Variants in LIX1L observed in about 807,000 individuals in gnomAD.
LIX1L encodes LIX1-like protein.
In LIX1L, 20 loss-of-function variants were observed where a neutral mutation model predicts 34.0. The ratio of observed to expected loss-of-function variants is 0.59; its 90% confidence interval spans 0.41 to 0.85. The LOEUF (loss-of-function observed/expected upper bound fraction) is 0.85, where lower values mean the gene tolerates loss of function less well. LIX1L is among the 40% of genes least tolerant of loss of function. The probability of loss-of-function intolerance (pLI) is 0.00; values close to 1 mark genes in which losing one functional copy is unlikely to be tolerated. For synonymous variants in LIX1L, 170 were observed against 187.4 expected, an observed-to-expected ratio of 0.91 and a Z score of 0.76; for missense variants, 397 against 447.0, an observed-to-expected ratio of 0.89 and a Z score of 1.01.
intron 3 of LIX1L, among the ~76,000 whole-genome samples, chr1:145,941,598 T>C (rs1434848237): frequency 6.6e-6 from 1 of 152,094 alleles, no homozygotes; most frequent in African/African-American, 2.4e-5. Context: ...ATACTTGGTC[T>C]GACTATTAAT....
intron 1 of LIX1L, among the ~76,000 whole-genome samples, chr1:145,953,217 G>C (rs142649358): frequency 6.6e-6 from 1 of 152,018 alleles, no homozygotes; most frequent in Non-Finnish European, 1.5e-5. Context: ...GCCTGGCCAG[G>C]ATAAAAATAT....
In LIX1L at chr1:145,936,124, C is replaced by T; in HGVS notation, c.*186G>A. 1.5e-6 allele frequency: 1 copy of T among 651,422 alleles called. No individual in the cohort carries two copies. The highest frequency in any genetic ancestry group is 2.5e-6 in the Non-Finnish European group (1 of 399,990). 40.4% of individuals were successfully genotyped at this position (651,422 alleles called of 1,614,324 possible). The stretch of plus-strand genomic sequence containing the variant: ...ACTGAAGATGTTTCAAATAAAACTA[C>T]ATCCAAAAACTGGTAGTAAGAAAAG... On this transcript the variant is annotated 3_prime_UTR_variant, in exon 6 of 6. Coordinates refer to ENST00000604000, the MANE Select transcript of LIX1L (RefSeq NM_153713.3).
chr1:145,952,079 C>G (rs1649315924), intron 1 of LIX1L, among the ~76,000 whole-genome samples: 1 of 152,136 alleles, frequency 6.6e-6, no homozygotes, highest in Non-Finnish European at 1.5e-5. Flanking sequence ...TAGTCCAATG[C>G]TGGCTAAGAA....
intron 1 of LIX1L, among the ~76,000 whole-genome samples, chr1:145,952,735 C>T (rs1354546997): frequency 2.6e-5 from 4 of 152,022 alleles, no homozygotes; most frequent in East Asian, 3.9e-4. Flanking sequence ...CTCAGCCTCC[C>T]GAGTAGCTGG....
chr1:145,949,802 C>A (rs1356311992), intron 1 of LIX1L, among the ~76,000 whole-genome samples: 4 of 151,372 alleles, frequency 2.6e-5, no homozygotes, highest in Non-Finnish European at 5.9e-5. Flanking sequence ...TATCTTGCAA[C>A]ATACTGACCA....
At chr1:145,936,847 C>T in intron 5 of LIX1L, 61 bp downstream of exon 5, 10 of 1,176,290 alleles carry the variant, frequency 8.5e-6, no homozygotes, top group East Asian at 4.7e-5. Context: ...GTAACCACCT[C>T]AAAAGAGTCC....
At position 145,936,431 on chromosome 1, in the gene LIX1L, G is replaced by A; in HGVS notation, c.893C>T (p.Thr298Ile). ...TCGGGCTTCATCCAGCTCCCGCTCAGTAGAGGCCAGCTCTCTAGACAGTGC... is the reference window on the plus strand; with the variant it reads ...TCGGGCTTCATCCAGCTCCCGCTCAATAGAGGCCAGCTCTCTAGACAGTGC... Reference protein sequence around the residue: ...PGALSRELASTERELDEARLA... With the variant: ...PGALSRELASIERELDEARLA... Residue 298 changes from threonine (T) to isoleucine (I), a missense_variant, in exon 6 of 6, where the codon ACT becomes ATT. Thr to Ile is a moderately conservative substitution (Grantham distance 89). Transcript: ENST00000604000. 1 of 1,614,156 alleles carries A rather than the reference G, an allele frequency of 6.2e-7. No homozygotes were observed. Among genetic ancestry groups the A allele is most frequent in the Non-Finnish European group, 8.5e-7 (1 of 1,180,028 alleles).
chr1:145,942,811 T>C lies in LIX1L; in HGVS notation c.499A>G (p.Ile167Val), dbSNP rs374811214. The C allele has an allele frequency of 6.2e-7, 1 of 1,614,060 alleles. No individual in the cohort carries two copies. Among genetic ancestry groups the C allele is most frequent in the Non-Finnish European group, 8.5e-7 (1 of 1,179,962 alleles). ...TTAAACACAGAATTCATTAGCGCAA[T>C]CTTTGCAGCACTCCTCCGGGCCTCA... ...KAEARRSAAK[I>V]ALMNSVFNEH... is the part of the protein sequence containing the mutation. Residue 167 changes from isoleucine (I) to valine (V), a missense_variant, in exon 3 of 6, where the codon ATT becomes GTT. Coordinates refer to ENST00000604000, the MANE Select transcript of LIX1L (RefSeq NM_153713.3).
intron 3 of LIX1L, chr1:145,939,775 C>T (rs1190928832): frequency 5.3e-5 from 8 of 151,224 alleles, no homozygotes; most frequent in Admixed American, 1.3e-4. Flanking sequence ...GTAGCTGGGA[C>T]TACAGATGCA....
rs1225045267 is a variant in LIX1L at position 145,942,707 on chromosome 1, A to C, written c.597+6T>G. 3 of 1,613,666 alleles carry C rather than the reference A, an allele frequency of 1.9e-6. No individual in the cohort carries two copies. In the African/African-American group the frequency reaches 4.0e-5, roughly 22 times the overall value. On this transcript the variant is annotated splice_donor_region_variant and intron_variant, in intron 3 of 5. Transcript: ENST00000604000. ...CTCTCCTTCCTTCCAGCTCCATACA[A>C]CTTACATTAAAAGATGCCAGGGCCT...
At chr1:145,945,404 T>C (rs923325939) in intron 2 of LIX1L, among the ~76,000 whole-genome samples, 1 of 151,586 alleles carries the variant, frequency 6.6e-6, no homozygotes, top group Admixed American at 6.6e-5. Flanking sequence ...GTTATGGGCA[T>C]TGTCATAAAA....
At chr1:145,951,902 T>C (rs1234867258) in intron 1 of LIX1L, among the ~76,000 whole-genome samples, 1 of 152,220 alleles carries the variant, frequency 6.6e-6, no homozygotes, top group African/African-American at 2.4e-5. Flanking sequence ...CATTTTTTAA[T>C]GATTACTCAA....
chr1:145,947,376 T>C (rs1261651503), intron 2 of LIX1L: 1 of 462,004 alleles, frequency 2.2e-6, no homozygotes, highest in African/African-American at 1.9e-5. Context: ...TCGGATATAC[T>C]GAGCAAGGGG....
chr1:145,952,504 T>C (rs587768157), intron 1 of LIX1L, among the ~76,000 whole-genome samples: 18 of 151,992 alleles, frequency 1.2e-4, no homozygotes, highest in African/African-American at 4.3e-4. Flanking sequence ...TGCTGTTGAA[T>C]AACAAAAAAG....
chr1:145,957,063 C>T (rs1223745383), intron 1 of LIX1L, among the ~76,000 whole-genome samples: 5 of 152,122 alleles, frequency 3.3e-5, no homozygotes, highest in Admixed American at 3.3e-4. Context: ...TGGTACAGGT[C>T]CGGATTTAAA....
At chr1:145,937,074 G>C in intron 4 of LIX1L, 89 bp from the exon 5 acceptor site, 6 of 838,690 alleles carry the variant, frequency 7.2e-6, no homozygotes, top group Non-Finnish European at 1.0e-5. Flanking sequence ...TTACAAAATG[G>C]ATTTGTAGAA....
intron 1 of LIX1L, among the ~76,000 whole-genome samples, chr1:145,951,411 C>T (rs1343255434): frequency 2.0e-5 from 3 of 152,182 alleles, no homozygotes; most frequent in Admixed American, 1.3e-4. Context: ...CTGAAACAAA[C>T]ACCCATGTAC....
At chr1:145,944,182 T>G (rs998082052) in intron 2 of LIX1L, among the ~76,000 whole-genome samples, 1 of 152,050 alleles carries the variant, frequency 6.6e-6, no homozygotes. Flanking sequence ...CATAGTGAGA[T>G]GCCAACTCTA....
In LIX1L at chr1:145,942,784, C is replaced by G. The variant is rs1553758844; in HGVS notation, c.526G>C (p.Glu176Gln). ...KIALMNSVFN[E>Q]HPSRRITDEF... ...TCAGTGATTCTTCGGGAAGGATGTT[C>G]ATTAAACACAGAATTCATTAGCGCA... The change falls in exon 3 of 6, where the codon GAA becomes CAA. Residue 176 changes from glutamate to glutamine, a missense_variant. Physicochemically the swap from Glu to Gln is conservative, Grantham distance 29. Coordinates refer to ENST00000604000, the MANE Select transcript of LIX1L (RefSeq NM_153713.3). 6.2e-7 allele frequency: 1 copy of G among 1,613,970 alleles called. No individual in the cohort carries two copies. Among genetic ancestry groups the G allele is most frequent in the East Asian group, 2.2e-5 (1 of 44,902 alleles).
Sources: gnomAD v4.1 joint callset for allele counts (sites outside exome capture counted in the v4.1 genomes callset) on GRCh38, gnomAD v4.1.1 for gene constraint, MANE v1.5 for transcripts, NCBI Gene and HGNC (gene_info 2026-07-23, HGNC 2026-07-21) for gene names.